The following SMURF1 variants were observed in gnomAD, a reference collection of about 807,000 sequenced individuals.
SMURF1 encodes the protein E3 ubiquitin-protein ligase SMURF1.
Under a neutral mutation model 98.0 loss-of-function variants are expected in SMURF1, and 44 were observed. That is an observed-to-expected ratio of 0.45 (90% CI 0.35 to 0.58). The LOEUF is 0.58. Ranked by LOEUF, SMURF1 falls within the 20% of genes least tolerant of loss-of-function variation. The pLI, the probability that SMURF1 is intolerant of heterozygous loss-of-function variation, is 0.00. For synonymous variants in SMURF1, 396 were observed against 374.9 expected (o/e 1.06, Z -0.65); for missense variants, 687 against 938.4 (o/e 0.73, Z 3.50).
chr7:99,116,152 T>C (rs984251200), intron 1 of SMURF1, among the ~76,000 whole-genome samples: 13 of 152,206 alleles, frequency 8.5e-5, no homozygotes, highest in Admixed American at 2.6e-4. Context: ...CAATGTAATA[T>C]GCCATGTTAA....
intron 1 of SMURF1, among the ~76,000 whole-genome samples, chr7:99,112,102 T>C (rs1226900895): frequency 6.6e-6 from 1 of 152,190 alleles, no homozygotes; most frequent in Non-Finnish European, 1.5e-5. Context: ...TGGGCTTCAT[T>C]TGAAGAGCTC....
At chr7:99,136,662 T>G (rs1226500565) in intron 1 of SMURF1, among the ~76,000 whole-genome samples, 3 of 152,220 alleles carry the variant, frequency 2.0e-5, no homozygotes, top group African/African-American at 4.8e-5. Context: ...CATTTAAAGA[T>G]GATGCTGGCT....
At chr7:99,125,461 A>C (rs1797724833) in intron 1 of SMURF1, among the ~76,000 whole-genome samples, 1 of 152,186 alleles carries the variant, frequency 6.6e-6, no homozygotes, top group African/African-American at 2.4e-5. Context: ...GGGCCCAATA[A>C]AGGAGTGCTT....
rs114554264 is a variant in SMURF1 at position 99,044,687 on chromosome 7, A to C, written c.1256+1011T>G. 1.2e-3 allele frequency among the ~76,000 whole-genome samples: 179 copies of C among 152,388 alleles called. 1 individual carries two copies. The highest frequency in any genetic ancestry group is 4.1e-3 in the African/African-American group (172 of 41,594). On this transcript the variant is annotated intron_variant, in intron 11 of 17. Transcript: ENST00000361368. ...AAATAAAGGTGAAAGCACAGGACAT[A>C]AAGTTACAAATGATGGAAGAACTAA...
chr7:99,126,705 C>CA (rs1447655241), intron 1 of SMURF1, among the ~76,000 whole-genome samples: 1 of 152,142 alleles, frequency 6.6e-6, no homozygotes, highest in Non-Finnish European at 1.5e-5. Context: ...ATTATGTATA[C>CA]AGATATTTGC....
In SMURF1 at chr7:99,077,341, A is replaced by T. The variant is rs570001749; in HGVS notation, c.56-15504T>A. Among the ~76,000 whole-genome samples the T allele has an allele frequency of 4.7e-3, 648 of 139,094 alleles. 2 individuals are homozygous for T. Among genetic ancestry groups the T allele is most frequent in the Middle Eastern group, 0.018 (5 of 278 alleles). 91.3% of individuals were successfully genotyped at this position (139,094 alleles called of 152,430 possible). A position where few individuals can be genotyped will look rare whatever the true frequency, so the allele number is the denominator to read the frequency against. On this transcript the variant is annotated intron_variant, in intron 1 of 17. Transcript: ENST00000361368. The stretch of plus-strand genomic sequence containing the variant: ...TTTTTTATTTTTTTTATTTTTTTTT[A>T]TTTTTTTTTTGAGATGGAGTCTCGC...
rs376042717 is a variant in SMURF1, at chr7:99,047,715, C to A, written c.1121G>T (p.Arg374Leu). The change falls in exon 10 of 18, where the codon CGC (arginine) becomes CTC (leucine). Residue 374 changes from arginine to leucine, a missense_variant. By Grantham distance (102) the Arg-to-Leu change is moderately radical (BLOSUM62 -2). Coordinates refer to ENST00000361368, the MANE Select transcript of SMURF1 (RefSeq NM_181349.3). Reference protein sequence around the residue: ...SLQQPQAGHCRIEVSREEIFE... With the variant: ...SLQQPQAGHCLIEVSREEIFE... The stretch of plus-strand genomic sequence containing the variant: ...GATTTCTTCTCTGGACACTTCGATG[C>A]GGCAATGACCAGCTTGGGGCTGCTG... 2 of 1,614,210 alleles carry A rather than the reference C, an allele frequency of 1.2e-6. No individual in the cohort carries two copies. Among genetic ancestry groups the A allele is most frequent in the Non-Finnish European group, 1.7e-6 (2 of 1,180,030 alleles).
intron 1 of SMURF1, among the ~76,000 whole-genome samples, chr7:99,124,027 G>A (rs182128883): frequency 3.6e-4 from 55 of 152,310 alleles, no homozygotes; most frequent in Non-Finnish European, 2.2e-4. Context: ...CTACTGGTAT[G>A]TGGTGGAACT....
chr7:99,128,741 C>T (rs941414883), intron 1 of SMURF1, among the ~76,000 whole-genome samples: 5 of 152,186 alleles, frequency 3.3e-5, no homozygotes, highest in South Asian at 2.1e-4. Flanking sequence ...GCCAATAGTT[C>T]GTGCTACTCT....
intron 1 of SMURF1, among the ~76,000 whole-genome samples, chr7:99,118,309 A>G (rs1249479663): frequency 6.6e-6 from 1 of 152,244 alleles, no homozygotes; most frequent in Non-Finnish European, 1.5e-5. Flanking sequence ...TACATATCCA[A>G]GAATAAAAAC....
intron 1 of SMURF1, among the ~76,000 whole-genome samples, chr7:99,116,596 A>G (rs1456185606): frequency 6.6e-6 from 1 of 152,224 alleles, no homozygotes; most frequent in East Asian, 1.9e-4. Flanking sequence ...TGAAATTCAG[A>G]AGAGAATTCC....
intron 1 of SMURF1, among the ~76,000 whole-genome samples, chr7:99,072,941 A>G (rs1370945376): frequency 6.6e-6 from 1 of 152,222 alleles, no homozygotes; most frequent in Non-Finnish European, 1.5e-5. Context: ...TTGATTGAGC[A>G]TAGAAGGAAA....
In SMURF1 at chr7:99,073,759, C is replaced by G. The variant is rs540147674; in HGVS notation, c.56-11922G>C. ...CCAGCCTGGGTGACAGAGTGAGATT[C>G]CATCTCAAAAAAAAAAAAAAAATTG... On this transcript the variant is annotated intron_variant, in intron 1 of 17. Transcript: ENST00000361368. Among the ~76,000 whole-genome samples, 16 of 150,290 alleles carry G rather than the reference C, an allele frequency of 1.1e-4. No homozygotes were observed. The East Asian group carries it at 2.9e-3, about 27-fold the overall frequency.
At chr7:99,110,643 C>T (rs892741299) in intron 1 of SMURF1, among the ~76,000 whole-genome samples, 19 of 152,210 alleles carry the variant, frequency 1.2e-4, no homozygotes, top group Admixed American at 1.2e-3. Context: ...TGTTACAACA[C>T]CTACGTAGGG....
chr7:99,122,016 CAAGA>C (rs1797640396), intron 1 of SMURF1, among the ~76,000 whole-genome samples: 2 of 152,186 alleles, frequency 1.3e-5, no homozygotes. Flanking sequence ...GAAAAGACTA[CAAGA>C]ACCTGTTTTT....
Position 99,039,804 on chromosome 7 carries a change from G to A in SMURF1, c.1550+574C>T, listed in dbSNP as rs112743601. Among the ~76,000 whole-genome samples, 260 of 152,308 alleles carry A rather than the reference G, an allele frequency of 1.7e-3. 2 individuals are homozygous for A. Among genetic ancestry groups the A allele is most frequent in the African/African-American group, 6.0e-3 (250 of 41,566 alleles). ...TGTCAGAGCCTGATGTTTTGTCCCC[G>A]TGAAATCTGCAAGGACCCGTGATAG... On this transcript the variant is annotated intron_variant, in intron 13 of 17. Coordinates refer to ENST00000361368, the MANE Select transcript of SMURF1 (RefSeq NM_181349.3).
At chr7:99,058,110 C>A (rs936653008) in intron 3 of SMURF1, among the ~76,000 whole-genome samples, 14 of 151,942 alleles carry the variant, frequency 9.2e-5, no homozygotes, top group Non-Finnish European at 1.8e-4. Context: ...AACAGACTTA[C>A]TATATTTTAT....
chr7:99,106,386 T>C (rs986390637), intron 1 of SMURF1, among the ~76,000 whole-genome samples: 15 of 152,204 alleles, frequency 9.9e-5, no homozygotes, highest in Admixed American at 2.6e-4. Flanking sequence ...AGATACACTG[T>C]GGTTTGTGAA....
At chr7:99,045,251 G>T (rs1321921992) in intron 11 of SMURF1, among the ~76,000 whole-genome samples, 1 of 151,824 alleles carries the variant, frequency 6.6e-6, no homozygotes, top group African/African-American at 2.4e-5. Context: ...GAATTATTTT[G>T]ACCAAAATTT....
Sources: allele counts gnomAD v4.1 joint callset (sites outside exome capture counted in the v4.1 genomes callset), GRCh38; gene constraint gnomAD v4.1.1; transcripts MANE v1.5; gene names NCBI Gene and HGNC (gene_info 2026-07-23, HGNC 2026-07-21).